The following COL27A1 variants were observed in gnomAD, a reference collection of about 807,000 sequenced individuals.
COL27A1 encodes the protein collagen alpha-1(XXVII) chain.
COL27A1 carries 106 observed loss-of-function variants against 251.3 expected under a neutral mutation model. That is an observed-to-expected ratio of 0.42 (90% CI 0.36 to 0.50). The LOEUF (loss-of-function observed/expected upper bound fraction) is 0.50. Among genes scored for constraint, COL27A1 ranks in the 20% least tolerant of loss-of-function variants. The pLI is 0.00. For missense variants in COL27A1, 2,325 were observed against 2,522.8 expected (o/e 0.92, Z 1.68); for synonymous variants, 1,000 against 986.3 (o/e 1.01, Z -0.26).
At chr9:114,263,372 C>T (rs1475520997) in intron 28 of COL27A1, among the ~76,000 whole-genome samples, 1 of 152,146 alleles carries the variant, frequency 6.6e-6, no homozygotes, top group Non-Finnish European at 1.5e-5. Flanking sequence ...GGGCTGATCC[C>T]CTGGGCTCCC....
chr9:114,206,302 TGGTTCCTGGCCAGTGCCACATGGGTGG>T lies in COL27A1; in HGVS notation c.2268+12_2268+38del, dbSNP rs2135306799. 6.2e-7 allele frequency: 1 copy of T among 1,614,062 alleles called. No homozygotes were observed. Among genetic ancestry groups the T allele is most frequent in the East Asian group, 2.2e-5 (1 of 44,870 alleles). ...CCGGCCCCAAAGGCAGCAGGGTAAG[TGGTTCCTGGCCAGTGCCACATGGGTGG>T]GGTTCTAGGTGAGCATCACCTGTCC... On this transcript the variant is annotated splice_region_variant and intron_variant, in intron 10 of 60. Transcript: ENST00000356083.
At chr9:114,269,181 G>T in intron 34 of COL27A1, 60 bp from the exon 35 acceptor site, 1 of 1,188,726 alleles carries the variant, frequency 8.4e-7, no homozygotes, top group Non-Finnish European at 1.2e-6. Flanking sequence ...ACAGGAAGGG[G>T]TGTCGAGAGC....
intron 28 of COL27A1, among the ~76,000 whole-genome samples, chr9:114,261,432 G>A (rs969449375): frequency 6.6e-6 from 1 of 152,240 alleles, no homozygotes; most frequent in African/African-American, 2.4e-5. Context: ...GAACCTGCGG[G>A]ATGAACTGTT....
chr9:114,270,575 C>A (rs534820790), intron 35 of COL27A1, among the ~76,000 whole-genome samples, 153 bp from the exon 36 acceptor site: 3 of 152,202 alleles, frequency 2.0e-5, no homozygotes, highest in Non-Finnish European at 4.4e-5. Context: ...CCCCTGGCTA[C>A]CATGCACCCA....
Position 114,301,405 on chromosome 9 carries a change from A to C in COL27A1, c.4792-40A>C, listed in dbSNP as rs187016046. 3.5e-3 allele frequency: 5,270 copies of C among 1,525,406 alleles called. 83 individuals are homozygous for C. In the East Asian group the frequency reaches 0.041, roughly 12 times the overall value. The allele number at this position is 1,525,406 out of a possible 1,614,324, so 94.5% of individuals were successfully genotyped here. ...CCCAGAGTTGGGCCATGGCTCAGCC[A>C]GGTTCCCTAACTCTCTCCCCTGCTT... On this transcript the variant is annotated intron_variant, in intron 53 of 60. Transcript: ENST00000356083.
upstream of COL27A1, among the ~76,000 whole-genome samples, chr9:114,154,499 G>T (rs1848017420): frequency 6.6e-6 from 1 of 152,160 alleles, no homozygotes; most frequent in African/African-American, 2.4e-5. The surrounding 1 kb of genome is among the most constrained non-coding windows in gnomAD (Gnocchi z 5.8). Flanking sequence ...CACATGTGCG[G>T]TGGGCACTCT....
chr9:114,186,024 C>A (rs375285595), intron 5 of COL27A1, among the ~76,000 whole-genome samples: 48 of 152,202 alleles, frequency 3.2e-4, no homozygotes, highest in African/African-American at 9.4e-4. Flanking sequence ...GCCAAGGGAC[C>A]TTGCCTAGAT....
intron 37 of COL27A1, among the ~76,000 whole-genome samples, chr9:114,278,260 GTGA>G (rs201083010): frequency 0.016 from 2,351 of 146,888 alleles, 55 homozygotes; most frequent in African/African-American, 0.057. Flanking sequence ...GTTGGTGGTG[GTGA>G]TGATGATGAA....
chr9:114,305,330 G>A (rs1366193874), intron 57 of COL27A1, among the ~76,000 whole-genome samples: 4 of 152,186 alleles, frequency 2.6e-5, no homozygotes, highest in Non-Finnish European at 4.4e-5. Flanking sequence ...GCATGGATGA[G>A]CCCCTTACCA....
intron 36 of COL27A1, among the ~76,000 whole-genome samples, chr9:114,275,255 C>G (rs1835419942): frequency 6.6e-6 from 1 of 151,478 alleles, no homozygotes; most frequent in Non-Finnish European, 1.5e-5. Flanking sequence ...GAGTGAGACT[C>G]TGTCTAAAAA....
Position 114,306,579 on chromosome 9 carries a change from A to G in COL27A1, c.4998A>G (p.Leu1666=), listed in dbSNP as rs2131686965. The G allele has an allele frequency of 6.2e-7, 1 of 1,614,010 alleles. No individual in the cohort carries two copies. Among genetic ancestry groups the G allele is most frequent in the Non-Finnish European group, 8.5e-7 (1 of 1,180,018 alleles). The change falls in exon 58 of 61, where the codon TTA becomes TTG. Residue 1666 remains leucine, a synonymous_variant. Transcript: ENST00000356083. ...AGGGAGGAGAGATCTTTAAAACCTT[A>G]CACTACCTCAGCAACCTCATCCAGA... ...LDQGGEIFKT[L]HYLSNLIQSI...
chr9:114,310,536 C>G lies in COL27A1; in HGVS notation c.5437-13C>G. 1 of 1,614,148 alleles carries G rather than the reference C, an allele frequency of 6.2e-7. No homozygotes were observed. Among genetic ancestry groups the G allele is most frequent in the Non-Finnish European group, 8.5e-7 (1 of 1,180,006 alleles). On this transcript the variant is annotated splice_polypyrimidine_tract_variant and intron_variant, in intron 60 of 60. Transcript: ENST00000356083. ...CGATGGATGTACGTGTGCACTTTTC[C>G]TTCTGCCTTCAGGTCCAAGATGGCC...
At chr9:114,307,459 AC>A (rs1018481222) in intron 58 of COL27A1, 6 of 567,458 alleles carry the variant, frequency 1.1e-5, no homozygotes, top group African/African-American at 9.5e-5. Flanking sequence ...TAGCCATGTG[AC>A]CCCTCCTCTG....
At chr9:114,166,300 TA>T (rs1848852657) in intron 2 of COL27A1, among the ~76,000 whole-genome samples, 1 of 139,628 alleles carries the variant, frequency 7.2e-6, no homozygotes, top group Non-Finnish European at 1.5e-5. Context: ...TCTATTCATC[TA>T]TTCATCCATC....
chr9:114,281,625 G>A (rs141548978), intron 37 of COL27A1, among the ~76,000 whole-genome samples: 29 of 152,346 alleles, frequency 1.9e-4, no homozygotes, highest in African/African-American at 7.0e-4. Context: ...CACAGGAATT[G>A]CTCGCAAGTG....
At chr9:114,222,478 G>GT (rs1489409345) in intron 14 of COL27A1, among the ~76,000 whole-genome samples, 1 of 152,124 alleles carries the variant, frequency 6.6e-6, no homozygotes, top group South Asian at 2.1e-4. Flanking sequence ...GGCGGCTGAG[G>GT]GAGGAGAGCC....
rs145134249 is a variant in COL27A1 at position 114,160,928 on chromosome 9, G to A, written c.63-1787G>A. 6.8e-4 allele frequency among the ~76,000 whole-genome samples: 103 copies of A among 152,308 alleles called. 1 individual carries two copies. The highest frequency in any genetic ancestry group is 2.0e-3 in the African/African-American group (83 of 41,564). On this transcript the variant is annotated intron_variant, in intron 1 of 60. Transcript: ENST00000356083. ...GCAAAAGCCCAGAGCTGGAGAAGGCGTTCAGGGGACCATCACTGGCGTCTG... is the reference window on the plus strand; with the variant it reads ...GCAAAAGCCCAGAGCTGGAGAAGGCATTCAGGGGACCATCACTGGCGTCTG...
At chr9:114,291,482 G>A (rs529894916) in intron 48 of COL27A1, among the ~76,000 whole-genome samples, 2 of 152,324 alleles carry the variant, frequency 1.3e-5, no homozygotes, top group South Asian at 4.1e-4. Flanking sequence ...CCACACAGTG[G>A]CTCACACCTG....
Position 114,240,428 on chromosome 9 carries a change from C to A in COL27A1, c.2782-6C>A. 4 of 1,613,632 alleles carry A rather than the reference C, an allele frequency of 2.5e-6. No individual in the cohort carries two copies. The highest frequency in any genetic ancestry group is 3.4e-6 in the Non-Finnish European group (4 of 1,179,848). ...TGAGACTCCCTTTTTGTTCCCTTCT[C>A]CCCAGGGTAAGCCTGGAGCCCGAGG... On this transcript the variant is annotated splice_region_variant and splice_polypyrimidine_tract_variant and intron_variant, in intron 20 of 60. Coordinates refer to ENST00000356083, the MANE Select transcript of COL27A1 (RefSeq NM_032888.4).
Sources: allele counts gnomAD v4.1 joint callset (sites outside exome capture counted in the v4.1 genomes callset), GRCh38; gene constraint gnomAD v4.1.1; non-coding constraint Gnocchi (gnomAD v3.1); transcripts MANE v1.5; gene names NCBI Gene and HGNC (gene_info 2026-07-23, HGNC 2026-07-21).